Variants in PPM1B observed in about 807,000 individuals in gnomAD.
The protein encoded by PPM1B is protein phosphatase 1B.
In PPM1B, 22 loss-of-function variants were observed where a neutral mutation model predicts 43.0. The observed-to-expected ratio is 0.51, with a 90% confidence interval of 0.37 to 0.73. PPM1B has a LOEUF of 0.73. PPM1B is among the 30% of genes least tolerant of loss of function. The pLI is 0.00. For missense variants in PPM1B, 632 were observed against 584.2 expected (o/e 1.08, Z -0.84); for synonymous variants, 217 against 197.9 (o/e 1.10, Z -0.81).
At chr2:44,181,866 C>T (rs574081526) in intron 1 of PPM1B, among the ~76,000 whole-genome samples, 7 of 152,276 alleles carry the variant, frequency 4.6e-5, no homozygotes, top group Admixed American at 1.3e-4. Flanking sequence ...AGGGCAGATA[C>T]TGTGTTTTGG....
intron 2 of PPM1B, among the ~76,000 whole-genome samples, chr2:44,208,423 A>G (rs1175109694): frequency 1.3e-5 from 2 of 151,976 alleles, no homozygotes; most frequent in Non-Finnish European, 2.9e-5. Flanking sequence ...TTGTATTAAT[A>G]GTTGTGGGGC....
intron 1 of PPM1B, among the ~76,000 whole-genome samples, chr2:44,188,940 A>G (rs1056044036): frequency 6.6e-6 from 1 of 151,900 alleles, no homozygotes; most frequent in Admixed American, 6.6e-5. Flanking sequence ...TTTTCCCCCA[A>G]GCACTTCAGC....
intron 1 of PPM1B, among the ~76,000 whole-genome samples, chr2:44,179,886 G>A (rs191930399): frequency 1.7e-4 from 26 of 151,780 alleles, no homozygotes; most frequent in African/African-American, 6.3e-4. Context: ...GTGGGTGCCT[G>A]TAATCCCAGC....
At chr2:44,171,757 G>A (rs746953049) in intron 1 of PPM1B, among the ~76,000 whole-genome samples, 1 of 151,036 alleles carries the variant, frequency 6.6e-6, no homozygotes, top group Non-Finnish European at 1.5e-5. Flanking sequence ...TTGGACTCAC[G>A]AGGTGGAGGT....
At chr2:44,242,583 T>G (rs898726654) in intron 5 of PPM1B, among the ~76,000 whole-genome samples, 2 of 152,208 alleles carry the variant, frequency 1.3e-5, no homozygotes, top group African/African-American at 2.4e-5. Flanking sequence ...CTTAATAGTA[T>G]ACAAGAGTAG....
intron 2 of PPM1B, among the ~76,000 whole-genome samples, chr2:44,203,210 C>T (rs1669020479): frequency 6.6e-6 from 1 of 152,166 alleles, no homozygotes; most frequent in South Asian, 2.1e-4. Flanking sequence ...TGTCAGTGGA[C>T]AGCCTTTTTC....
intron 1 of PPM1B, among the ~76,000 whole-genome samples, chr2:44,183,806 T>TCGGCTCACTGCAAGCTCCGC (rs1240820277): frequency 4.3e-4 from 65 of 152,320 alleles, no homozygotes; most frequent in African/African-American, 1.4e-3. Flanking sequence ...TGGCGCGATC[T>TCGGCTCACTGCAAGCTCCGC]CGGCTCACTG....
chr2:44,194,843 C>T (rs1324616013), intron 1 of PPM1B, among the ~76,000 whole-genome samples: 1 of 151,670 alleles, frequency 6.6e-6, no homozygotes, highest in Non-Finnish European at 1.5e-5. Context: ...TCTGCTGTCT[C>T]TAAACCCAGA....
intron 3 of PPM1B, among the ~76,000 whole-genome samples, chr2:44,212,996 G>C (rs1171032649): frequency 7.7e-6 from 1 of 130,064 alleles, no homozygotes; most frequent in African/African-American, 3.0e-5. Context: ...CTGGGCGACA[G>C]AGCAAGACTC....
chr2:44,218,139 G>A (rs979757990), intron 4 of PPM1B, 61 bp downstream of exon 4: 2 of 1,267,906 alleles, frequency 1.6e-6, no homozygotes, highest in South Asian at 1.2e-5. Context: ...ATAATTTGGG[G>A]TAAAAAAACT....
downstream of PPM1B, among the ~76,000 whole-genome samples, chr2:44,237,399 G>A (rs1234869699): frequency 6.6e-6 from 1 of 152,114 alleles, no homozygotes; most frequent in Non-Finnish European, 1.5e-5. Flanking sequence ...TTCTGGCTGT[G>A]GTATTTTCTC....
intron 5 of PPM1B, among the ~76,000 whole-genome samples, chr2:44,221,671 C>A (rs898623710): frequency 6.6e-6 from 1 of 151,990 alleles, no homozygotes; most frequent in African/African-American, 2.4e-5. Flanking sequence ...TCTTTAGACT[C>A]CTGAATGTCT....
intron 3 of PPM1B, among the ~76,000 whole-genome samples, chr2:44,215,315 T>A (rs1669670456): frequency 6.6e-6 from 1 of 152,162 alleles, no homozygotes; most frequent in Non-Finnish European, 1.5e-5. Flanking sequence ...AAAGATTAGC[T>A]GAGCATGGTG....
chr2:44,199,598 A>C (rs959089171), intron 1 of PPM1B, among the ~76,000 whole-genome samples: 10 of 152,214 alleles, frequency 6.6e-5, no homozygotes, highest in African/African-American at 2.4e-4. Context: ...GCATATAAAA[A>C]TGTACTTAGA....
intron 5 of PPM1B, among the ~76,000 whole-genome samples, chr2:44,227,870 C>T (rs1047436879): frequency 7.3e-5 from 11 of 151,592 alleles, no homozygotes; most frequent in African/African-American, 2.7e-4. Context: ...CCATCCCCAC[C>T]ACCACCCCGT....
intron 5 of PPM1B, among the ~76,000 whole-genome samples, chr2:44,223,840 AAAAAG>A (rs1249256010): frequency 4.9e-5 from 7 of 142,398 alleles, no homozygotes; most frequent in African/African-American, 1.5e-4. Flanking sequence ...AAAAAAAAAA[AAAAAG>A]AGAGAGAGAG....
chr2:44,171,700 C>T (rs988820046), intron 1 of PPM1B, among the ~76,000 whole-genome samples: 2 of 151,932 alleles, frequency 1.3e-5, no homozygotes, highest in African/African-American at 2.4e-5. Context: ...TGCGGTGGCG[C>T]GTGCTTGTAA....
At chr2:44,217,227 C>T (rs1669761853) in intron 3 of PPM1B, among the ~76,000 whole-genome samples, 1 of 151,762 alleles carries the variant, frequency 6.6e-6, no homozygotes, top group Non-Finnish European at 1.5e-5. Context: ...TGGAGAAACC[C>T]CATCTCTACT....
intron 1 of PPM1B, among the ~76,000 whole-genome samples, chr2:44,193,341 G>A (rs1444805035): frequency 4.0e-5 from 6 of 151,776 alleles, no homozygotes; most frequent in Non-Finnish European, 2.9e-5. Context: ...CATATCTATT[G>A]GCCATTTGTA....
Sources: allele counts gnomAD v4.1 joint callset (sites outside exome capture counted in the v4.1 genomes callset), GRCh38; gene constraint gnomAD v4.1.1; transcripts MANE v1.5; gene names NCBI Gene and HGNC (gene_info 2026-07-23, HGNC 2026-07-21).